The following FNDC1 variants were observed in gnomAD, a reference collection of about 807,000 sequenced individuals.
FNDC1 encodes the protein fibronectin type III domain containing 1, also known as fibronectin type III domain-containing protein 1.
Under a neutral mutation model 168.0 loss-of-function variants are expected in FNDC1, and 96 were observed. The ratio of observed to expected loss-of-function variants is 0.57; its 90% CI spans 0.48 to 0.68. The LOEUF (loss-of-function observed/expected upper bound fraction) is 0.68, where lower values mean the gene tolerates loss of function less well. FNDC1 is among the 30% of genes least tolerant of loss of function. The probability of loss-of-function intolerance (pLI) is 0.00; values close to 1 mark genes in which losing one functional copy is unlikely to be tolerated. For synonymous variants in FNDC1, 1,099 were observed against 1,025.9 expected, an observed-to-expected ratio of 1.07 and a Z score of -1.36; for missense variants, 2,587 against 2,482.1, an observed-to-expected ratio of 1.04 and a Z score of -0.90.
rs1554228146 is a variant in FNDC1, at chr6:159,248,921, GTGTC to G, written c.4691-103_4691-100del. ...TTTATTTTAGGGTGTGTGTGTGTGT[GTGTC>G]TGTCTGTCTGTCTGGGTTTCAGCCT... On this transcript the variant is annotated intron_variant, in intron 15 of 22. Transcript: ENST00000297267. 8.1e-3 allele frequency: 4,093 copies of G among 507,880 alleles called. 25 individuals carry two copies. Among genetic ancestry groups the G allele is most frequent in the Middle Eastern group, 0.021 (66 of 3,090 alleles). The allele number at this position is 507,880 out of a possible 1,614,324, so 31.5% of individuals were successfully genotyped here.
At chr6:159,246,582 G>A (rs543665410) in intron 14 of FNDC1, among the ~76,000 whole-genome samples, 79 of 152,334 alleles carry the variant, frequency 5.2e-4, no homozygotes, top group Non-Finnish European at 9.4e-4. Flanking sequence ...GCATGCGGGC[G>A]AGTGGGCTGA....
At chr6:159,238,231 G>A (rs1783311721) in intron 12 of FNDC1, among the ~76,000 whole-genome samples, 1 of 151,836 alleles carries the variant, frequency 6.6e-6, no homozygotes, top group Non-Finnish European at 1.5e-5. Context: ...CTGAGTAGCT[G>A]GGACTACAAG....
intron 4 of FNDC1, among the ~76,000 whole-genome samples, chr6:159,212,072 G>A (rs1782617465): frequency 6.6e-6 from 1 of 152,230 alleles, no homozygotes; most frequent in South Asian, 2.1e-4. Context: ...GGTTTCTGAG[G>A]TCTACTGCAA....
intron 22 of FNDC1, among the ~76,000 whole-genome samples, chr6:159,269,257 CATCTATCTATCTATCT>C (rs369450487): frequency 2.3e-5 from 1 of 42,624 alleles, no homozygotes; most frequent in Non-Finnish European, 4.9e-5. Context: ...ATCCATCTAT[CATCTATCTATCTATCT>C]ATCTATCTAT....
chr6:159,233,932 A>G lies in FNDC1; in HGVS notation c.3420A>G (p.Arg1140=), dbSNP rs1229354271. ...GHAASPARPS[R]PGGPQSRARV... ...CGGCCTCCCCCGCCAGGCCCAGCCG[A>G]CCCGGCGGCCCCCAGTCCCGCGCCC... Residue 1140 remains arginine, a synonymous_variant, in exon 11 of 23, where the codon CGA becomes CGG. Transcript: ENST00000297267. The surrounding 1 kb of genome is among the most constrained non-coding windows in gnomAD (Gnocchi z 4.6). 5.8e-6 allele frequency: 9 copies of G among 1,554,782 alleles called. No homozygotes were observed. The highest frequency in any genetic ancestry group is 1.4e-5 in the African/African-American group (1 of 73,340).
Position 159,256,624 on chromosome 6 carries a change from A to G in FNDC1, c.5167A>G (p.Asn1723Asp), listed in dbSNP as rs749150045. The change falls in exon 18 of 23, where the codon AAC becomes GAC. Residue 1723 changes from asparagine (N) to aspartate (D), a missense_variant. Transcript: ENST00000297267. ...THLPIENLKP[N>D]TRYYFKVQAQ... ...CTTGCCCATTGAGAACCTAAAGCCC[A>G]ACACGAGGTACGATGTGTCAGTCAT... 2.9e-5 allele frequency: 47 copies of G among 1,608,174 alleles called. No homozygotes were observed. The highest frequency in any genetic ancestry group is 3.7e-5 in the Non-Finnish European group (43 of 1,174,702).
intron 14 of FNDC1, among the ~76,000 whole-genome samples, chr6:159,246,249 T>C (rs961111702): frequency 6.6e-6 from 1 of 152,130 alleles, no homozygotes; most frequent in African/African-American, 2.4e-5. Context: ...AATTAAGAAA[T>C]CTGATTTATC....
chr6:159,197,100 G>C (rs535626903), intron 1 of FNDC1, among the ~76,000 whole-genome samples: 17 of 152,308 alleles, frequency 1.1e-4, no homozygotes, highest in African/African-American at 4.1e-4. Flanking sequence ...TGCTACTGGA[G>C]AGTATGGCAA....
chr6:159,173,395 C>T (rs968590883), intron 1 of FNDC1, among the ~76,000 whole-genome samples: 1 of 152,222 alleles, frequency 6.6e-6, no homozygotes, highest in African/African-American at 2.4e-5. Context: ...TACTTCAGTC[C>T]TCTTTGAGAG....
At chr6:159,185,873 A>T (rs990879855) in intron 1 of FNDC1, among the ~76,000 whole-genome samples, 4 of 152,228 alleles carry the variant, frequency 2.6e-5, no homozygotes, top group African/African-American at 9.6e-5. Flanking sequence ...GGGAGAAAGA[A>T]GCTGGGAATA....
chr6:159,261,215 A>C lies in FNDC1; in HGVS notation c.5200A>C (p.Asn1734His). Residue 1734 changes from asparagine to histidine, a missense_variant, in exon 19 of 23, where the codon AAT (asparagine) becomes CAT (histidine). By Grantham distance (68) the Asn-to-His change is moderately conservative (BLOSUM62 1). Coordinates refer to ENST00000297267, the MANE Select transcript of FNDC1 (RefSeq NM_032532.3). ...TRYYFKVQAQ[N>H]PHGYGPISPS... ...GTATTATTTTAAAGTGCAAGCACAA[A>C]ATCCTCATGGCTACGGACCTATCAG... 6.2e-7 allele frequency: 1 copy of C among 1,613,170 alleles called. No homozygotes were observed. The highest frequency in any genetic ancestry group is 1.1e-5 in the South Asian group (1 of 90,908).
intron 12 of FNDC1, 35 bp downstream of exon 12, chr6:159,236,350 T>C (rs757938090): frequency 8.3e-6 from 12 of 1,449,232 alleles, no homozygotes; most frequent in Non-Finnish European, 9.7e-6. Flanking sequence ...CCCGTTGTTT[T>C]CATGCTGTTG....
Position 159,232,695 on chromosome 6 carries a change from G to T in FNDC1, c.2183G>T (p.Arg728Leu). ...TCTCCACCCCATGGGGGATCATCTC[G>T]GCTGCTGCCCACCCAGCCACACCTG... Reference protein sequence around the residue: ...RLSPPHGGSSRLLPTQPHLSS... With the variant: ...RLSPPHGGSSLLLPTQPHLSS... The change falls in exon 11 of 23, where the codon CGG becomes CTG. Residue 728 changes from arginine to leucine, a missense_variant. Transcript: ENST00000297267. The surrounding 1 kb of genome is among the most constrained non-coding windows in gnomAD (Gnocchi z 4.9). 1 of 1,613,854 alleles carries T rather than the reference G, an allele frequency of 6.2e-7. No individual in the cohort carries two copies. Among genetic ancestry groups the T allele is most frequent in the Non-Finnish European group, 8.5e-7 (1 of 1,179,864 alleles).
chr6:159,193,156 T>A (rs1254374985), intron 1 of FNDC1, among the ~76,000 whole-genome samples: 4 of 152,116 alleles, frequency 2.6e-5, no homozygotes, highest in East Asian at 1.9e-4. Flanking sequence ...TGTTTTTTTT[T>A]AATGGAGTTA....
rs2114982119 is a variant in FNDC1, at chr6:159,226,522, A to T, written c.1122A>T (p.Lys374Asn). Reference sequence around the variant, plus strand: ...TGAACGTCTGGCCAGTCAATGGCAAACCTACAGTTGTCGCTGCATCTTGGG... The same window carrying T: ...TGAACGTCTGGCCAGTCAATGGCAATCCTACAGTTGTCGCTGCATCTTGGG... ...ENLNVWPVNG[K>N]PTVVAASWDA... Residue 374 changes from lysine to asparagine, a missense_variant, in exon 9 of 23, where the codon AAA becomes AAT. Transcript: ENST00000297267. 6.2e-7 allele frequency: 1 copy of T among 1,612,374 alleles called. No individual in the cohort carries two copies.
intron 14 of FNDC1, chr6:159,243,383 T>C (rs1783470609): frequency 6.6e-6 from 1 of 152,250 alleles, no homozygotes; most frequent in African/African-American, 2.4e-5. Flanking sequence ...TCATTTGAGC[T>C]GGACCAACTG....
chr6:159,241,139 T>A (rs139764037), intron 14 of FNDC1: 3 of 152,370 alleles, frequency 2.0e-5, no homozygotes, highest in Admixed American at 2.0e-4. Context: ...AGAAAATTTC[T>A]ACTCTGTCCA....
intron 5 of FNDC1, among the ~76,000 whole-genome samples, chr6:159,217,259 C>G (rs1345491254): frequency 6.6e-6 from 1 of 152,188 alleles, no homozygotes; most frequent in Non-Finnish European, 1.5e-5. Flanking sequence ...AACAGGGGCT[C>G]AGGAGACAGC....
At chr6:159,222,272 G>A (rs561159765) in intron 6 of FNDC1, among the ~76,000 whole-genome samples, 5 of 152,082 alleles carry the variant, frequency 3.3e-5, no homozygotes, top group South Asian at 4.1e-4. Context: ...AATTTAAAGA[G>A]GCAATCTACA....
Sources: gnomAD v4.1 joint callset for allele counts (sites outside exome capture counted in the v4.1 genomes callset) on GRCh38, gnomAD v4.1.1 for gene constraint, Gnocchi (gnomAD v3.1) non-coding constraint, MANE v1.5 for transcripts, NCBI Gene and HGNC (gene_info 2026-07-23, HGNC 2026-07-21) for gene names.